Variants in KANSL1 observed in about 807,000 individuals in gnomAD.
The protein encoded by KANSL1 is MLL1/MLL complex subunit KANSL1.
Under a neutral mutation model 103.6 loss-of-function variants are expected in KANSL1, and 22 were observed. That is an observed-to-expected ratio of 0.21 (90% CI 0.15 to 0.30). KANSL1 has a LOEUF of 0.30. Among genes scored for constraint, KANSL1 ranks in the 10% least tolerant of loss-of-function variants. The pLI is 1.00. For synonymous variants in KANSL1, 600 were observed against 527.6 expected (o/e 1.14, Z -1.88); for missense variants, 1,337 against 1,399.8 (o/e 0.96, Z 0.72).
At chr17:46,080,974 CA>C (rs1403557382) in intron 4 of KANSL1, among the ~76,000 whole-genome samples, 1 of 152,132 alleles carries the variant, frequency 6.6e-6, no homozygotes, top group Non-Finnish European at 1.5e-5. Context: ...TTAATACACA[CA>C]CAGGAATCTT....
At chr17:46,130,559 C>T (rs925744514) in intron 2 of KANSL1, among the ~76,000 whole-genome samples, 6 of 152,130 alleles carry the variant, frequency 3.9e-5, no homozygotes, top group Non-Finnish European at 5.9e-5. Context: ...AAGGATAGAA[C>T]GAAAACAAAA....
In KANSL1 at chr17:46,220,197, G is replaced by C. The variant is rs144284623; in HGVS notation, c.-90+3474C>G. 2.4e-4 allele frequency among the ~76,000 whole-genome samples: 37 copies of C among 152,320 alleles called. No homozygotes were observed. In the East Asian group the frequency reaches 4.8e-3, roughly 20 times the overall value. ...GACACAGAAAGAGAAGAAAAGGAAG[G>C]ATTGAGATGCTGTTCTTTAAAATTT... On this transcript the variant is annotated intron_variant, in intron 1 of 14. Transcript: ENST00000572904.
rs1444239074 is a variant in KANSL1, at chr17:46,031,678, G to A, written c.3116C>T (p.Thr1039Ile). 2.5e-6 allele frequency: 4 copies of A among 1,609,436 alleles called. No homozygotes were observed. Among genetic ancestry groups the A allele is most frequent in the Non-Finnish European group, 3.4e-6 (4 of 1,176,396 alleles). Residue 1039 changes from threonine to isoleucine, a missense_variant, in exon 15 of 15, where the codon ACC (threonine) becomes ATC (isoleucine). Transcript: ENST00000432791. ...CTGGGGACTGTGCGCCAGGGGGAAG[G>A]TCCGCCGCTCCCAGGGCTGGACAGA... is the stretch of plus-strand genomic sequence containing the variant. ...EQSVQPWERR[T>I]FPLAHSPQAE... is the part of the protein sequence containing the mutation.
chr17:46,206,481 T>C (rs781739325), intron 1 of KANSL1, among the ~76,000 whole-genome samples: 2 of 152,312 alleles, frequency 1.3e-5, no homozygotes, highest in South Asian at 2.1e-4. Context: ...ATCCCAGCAT[T>C]TGGGGAGGCT....
At chr17:46,115,865 A>G (rs973936481) in intron 2 of KANSL1, among the ~76,000 whole-genome samples, 40 of 152,240 alleles carry the variant, frequency 2.6e-4, no homozygotes, top group African/African-American at 8.9e-4. Context: ...GCATACAGAC[A>G]TCAGGCAAAT....
intron 7 of KANSL1, among the ~76,000 whole-genome samples, chr17:46,047,791 A>G (rs1458794839): frequency 7.8e-6 from 1 of 128,490 alleles, no homozygotes; most frequent in East Asian, 2.5e-4. Context: ...CTGTATCTAA[A>G]AAATAAAAAT....
intron 3 of KANSL1, among the ~76,000 whole-genome samples, chr17:46,091,415 TG>T (rs1223145392): frequency 2.0e-5 from 3 of 152,296 alleles, no homozygotes; most frequent in South Asian, 4.1e-4. Context: ...AATTTATTAT[TG>T]AAAAAAATAT....
intron 8 of KANSL1, 199 bp downstream of exon 8, chr17:46,039,503 A>G: frequency 1.5e-6 from 1 of 648,032 alleles, no homozygotes; most frequent in African/African-American, 1.8e-5. Context: ...TTGCTCCAAG[A>G]TCCATGGTGT....
intron 6 of KANSL1, among the ~76,000 whole-genome samples, chr17:46,058,313 T>G (rs2078003262): frequency 6.6e-6 from 1 of 152,194 alleles, no homozygotes; most frequent in Admixed American, 6.6e-5. Flanking sequence ...GCTTTTAAAC[T>G]GTGACCAGCC....
chr17:46,088,228 C>A (rs55955207), intron 3 of KANSL1, among the ~76,000 whole-genome samples: 21,549 of 151,804 alleles, frequency 0.14, 2,085 homozygotes, highest in Non-Finnish European at 0.22. Context: ...TGAACCCTCT[C>A]TCAACTGTAT....
intron 1 of KANSL1, among the ~76,000 whole-genome samples, chr17:46,178,293 G>C (rs189659174): frequency 1.3e-5 from 2 of 152,304 alleles, no homozygotes; most frequent in Non-Finnish European, 2.9e-5. Context: ...CAGCCTATCT[G>C]ATAAATCATC....
intron 2 of KANSL1, among the ~76,000 whole-genome samples, chr17:46,161,640 C>G (rs1450585821): frequency 6.6e-6 from 1 of 152,224 alleles, no homozygotes; most frequent in African/African-American, 2.4e-5. Context: ...ACTACATATA[C>G]AAGGGTATTC....
intron 1 of KANSL1, among the ~76,000 whole-genome samples, chr17:46,173,213 T>G (rs1161480817): frequency 6.6e-6 from 1 of 152,226 alleles, no homozygotes; most frequent in Non-Finnish European, 1.5e-5. Context: ...ACAAGGTCCC[T>G]TCTGCCCTCT....
intron 4 of KANSL1, among the ~76,000 whole-genome samples, chr17:46,070,018 T>G (rs1374033583): frequency 6.6e-6 from 1 of 152,188 alleles, no homozygotes; most frequent in African/African-American, 2.4e-5. Context: ...TTAAGCTCTA[T>G]GCAGATTTCC....
chr17:46,211,246 A>AAAAAG (rs2048160919), intron 1 of KANSL1, among the ~76,000 whole-genome samples: 4 of 143,124 alleles, frequency 2.8e-5, no homozygotes, highest in Non-Finnish European at 4.6e-5. Flanking sequence ...AAAAAAAAAA[A>AAAAAG]GGGAGGGAGG....
upstream of KANSL1, chr17:46,224,940 G>A (rs2148082465): frequency 6.6e-6 from 1 of 151,842 alleles, no homozygotes; most frequent in Non-Finnish European, 1.5e-5. Context: ...CCCGCGGGAT[G>A]CGGCTTCCCT....
chr17:46,115,339 C>T (rs534630126), intron 2 of KANSL1, among the ~76,000 whole-genome samples: 3 of 152,276 alleles, frequency 2.0e-5, no homozygotes, highest in South Asian at 2.1e-4. Context: ...GGACTACAGA[C>T]GTGAGCCACC....
chr17:46,045,983 C>T (rs2077491305), intron 7 of KANSL1: 1 of 152,154 alleles, frequency 6.6e-6, no homozygotes, highest in Admixed American at 6.6e-5. Flanking sequence ...CACAGTAATT[C>T]AGAGAGTAAC....
intron 1 of KANSL1, among the ~76,000 whole-genome samples, chr17:46,201,523 G>A (rs2047803933): frequency 6.6e-6 from 1 of 152,090 alleles, no homozygotes; most frequent in Non-Finnish European, 1.5e-5. Flanking sequence ...GCTTCTGATG[G>A]TTCTCTGAAC....
Sources: allele counts gnomAD v4.1 joint callset (sites outside exome capture counted in the v4.1 genomes callset), GRCh38; gene constraint gnomAD v4.1.1; transcripts MANE v1.5; gene names NCBI Gene and HGNC (gene_info 2026-07-23, HGNC 2026-07-21).